TP53BP1: variants seen among roughly 807,000 people sequenced by gnomAD.
TP53BP1 encodes the protein tumor protein p53 binding protein 1.
In TP53BP1, 61 loss-of-function variants were observed where a neutral mutation model predicts 200.8. The ratio of observed to expected loss-of-function variants is 0.30; its 90% CI spans 0.25 to 0.38. The LOEUF is 0.38. Ranked by LOEUF, TP53BP1 falls within the 10% of genes least tolerant of loss-of-function variation. TP53BP1 has a pLI of 1.00. For missense variants in TP53BP1, 2,144 were observed against 2,371.9 expected, an observed-to-expected ratio of 0.90 and a Z score of 2.00; for synonymous variants, 822 against 844.3, an observed-to-expected ratio of 0.97 and a Z score of 0.46.
chr15:43,492,628 T>C (rs2079142834), intron 1 of TP53BP1, among the ~76,000 whole-genome samples, 160 bp from the exon 2 acceptor site: 1 of 152,120 alleles, frequency 6.6e-6, no homozygotes, highest in South Asian at 2.1e-4. Flanking sequence ...GCAAGCACTT[T>C]CCTATCATGC....
intron 24 of TP53BP1, among the ~76,000 whole-genome samples, chr15:43,412,425 T>G (rs772930345): frequency 1.3e-5 from 2 of 152,228 alleles, no homozygotes; most frequent in Non-Finnish European, 2.9e-5. Context: ...CAGTCACATT[T>G]ACAGTGTATA....
chr15:43,404,792 G>A lies in TP53BP1; in HGVS notation c.*2591C>T. 2 of 526,022 alleles carry A rather than the reference G, an allele frequency of 3.8e-6. No individual in the cohort carries two copies. The highest frequency in any genetic ancestry group is 6.7e-6 in the Non-Finnish European group (2 of 300,536). The allele number at this position is 526,022 out of a possible 1,614,324, so 32.6% of individuals were successfully genotyped here. A position where few individuals can be genotyped will look rare whatever the true frequency, so the allele number is the denominator to read the frequency against. On this transcript the variant is annotated 3_prime_UTR_variant, in exon 28 of 28. Coordinates refer to ENST00000382044, the MANE Select transcript of TP53BP1 (RefSeq NM_001141980.3). ...AGATAGGTGTTAAGTCCTTTGCTAG[G>A]TTATGTATTGCTATGCTGGGAGGCA...
At chr15:43,422,258 T>A in intron 18 of TP53BP1, 132 bp from the exon 19 acceptor site, 1 of 1,083,324 alleles carries the variant, frequency 9.2e-7, no homozygotes, top group Non-Finnish European at 1.3e-6. Flanking sequence ...CTTTCTGGAA[T>A]AATGGGAATG....
At chr15:43,413,036 C>T (rs995447609) in intron 24 of TP53BP1, 83 bp downstream of exon 24, 1 of 1,369,950 alleles carries the variant, frequency 7.3e-7, no homozygotes, top group African/African-American at 1.4e-5. Context: ...CTACATACAA[C>T]AGGGGGACCA....
chr15:43,419,327 T>C (rs2045338037), intron 21 of TP53BP1, among the ~76,000 whole-genome samples: 1 of 152,102 alleles, frequency 6.6e-6, no homozygotes, highest in African/African-American at 2.4e-5. Flanking sequence ...TCCCAGGTCC[T>C]TATATGATAA....
At position 43,456,203 on chromosome 15, in the gene TP53BP1, C is replaced by T. The variant is rs144992624; in HGVS notation, c.2405G>A (p.Cys802Tyr). 1.2e-6 allele frequency: 2 copies of T among 1,614,088 alleles called. No homozygotes were observed. The highest frequency in any genetic ancestry group is 1.1e-5 in the South Asian group (1 of 91,080). Reference sequence around the variant, plus strand: ...CTTGGTGTCTAATCTATTCTCAGCACATGGTTCTATTTCTGGAGCAATATC... The same window carrying T: ...CTTGGTGTCTAATCTATTCTCAGCATATGGTTCTATTTCTGGAGCAATATC... ...WEDIAPEIEP[C>Y]AENRLDTKEE... The change falls in exon 12 of 28, where the codon TGT (cysteine) becomes TAT (tyrosine). Residue 802 changes from cysteine to tyrosine, a missense_variant. By Grantham distance (194) the Cys-to-Tyr change is radical. This residue lies in a region of TP53BP1 where 1,700 missense variants were observed against 1,710.3 expected (regional missense o/e 0.99). Transcript: ENST00000382044.
chr15:43,452,025 C>T (rs2046181924), intron 12 of TP53BP1, among the ~76,000 whole-genome samples: 1 of 152,102 alleles, frequency 6.6e-6, no homozygotes, highest in Non-Finnish European at 1.5e-5. Flanking sequence ...ATTCCAGCTA[C>T]TCAGGAGGCT....
chr15:43,420,160 G>A lies in TP53BP1; in HGVS notation c.4681+145C>T, dbSNP rs965679608. 4 of 781,810 alleles carry A rather than the reference G, an allele frequency of 5.1e-6. No individual in the cohort carries two copies. The African/African-American group carries it at 6.9e-5, about 14-fold the overall frequency. The allele number at this position is 781,810 out of a possible 1,614,324, so 48.4% of individuals were successfully genotyped here. A position where few individuals can be genotyped will look rare whatever the true frequency, so the allele number is the denominator to read the frequency against. On this transcript the variant is annotated intron_variant, in intron 21 of 27. Transcript: ENST00000382044. Reference sequence around the variant, plus strand: ...GAACAAACAGAAAAGTCAGTGGCAAGAGTAACCAATTTTGTAGGAATGAAA... The same window carrying A: ...GAACAAACAGAAAAGTCAGTGGCAAAAGTAACCAATTTTGTAGGAATGAAA...
Position 43,490,289 on chromosome 15 carries a change from C to T in TP53BP1, c.371+1380G>A, listed in dbSNP as rs1027195302. 3.3e-5 allele frequency among the ~76,000 whole-genome samples: 5 copies of T among 152,084 alleles called. No homozygotes were observed. The South Asian group carries it at 6.3e-4, about 19-fold the overall frequency. On this transcript the variant is annotated intron_variant, in intron 4 of 27. Coordinates refer to ENST00000382044, the MANE Select transcript of TP53BP1 (RefSeq NM_001141980.3). ...ATTTTTAAGAGACCGGGTTTCACCA[C>T]GTTGTCCAGACTGGTATCAAACTCC... is the stretch of plus-strand genomic sequence containing the variant.
intron 10 of TP53BP1, among the ~76,000 whole-genome samples, chr15:43,472,872 C>T (rs902170709): frequency 4.6e-5 from 7 of 152,140 alleles, no homozygotes. Flanking sequence ...TTGGTGGGTT[C>T]TTGGTCTCAC....
intron 18 of TP53BP1, among the ~76,000 whole-genome samples, chr15:43,425,994 G>A (rs1323526902): frequency 1.3e-5 from 2 of 151,514 alleles, no homozygotes; most frequent in Non-Finnish European, 2.9e-5. Context: ...GAACCCAGGA[G>A]GCGGAGCTTG....
intron 11 of TP53BP1, among the ~76,000 whole-genome samples, chr15:43,469,316 A>G (rs2140090361): frequency 6.6e-6 from 1 of 152,354 alleles, no homozygotes; most frequent in East Asian, 1.9e-4. Context: ...TACTGAGATC[A>G]CATCTACTTA....
chr15:43,437,223 T>C (rs1276314506), intron 16 of TP53BP1, among the ~76,000 whole-genome samples: 1 of 151,958 alleles, frequency 6.6e-6, no homozygotes, highest in African/African-American at 2.4e-5. Context: ...AAATTTGGGA[T>C]GTTAAACATC....
At chr15:43,480,124 C>G in intron 5 of TP53BP1, 107 bp from the exon 6 acceptor site, 1 of 941,118 alleles carries the variant, frequency 1.1e-6, no homozygotes, top group East Asian at 2.7e-5. Context: ...CACATCAAAG[C>G]CCTGTGCACC....
chr15:43,451,024 G>A (rs939019914), intron 12 of TP53BP1, among the ~76,000 whole-genome samples: 1 of 152,136 alleles, frequency 6.6e-6, no homozygotes, highest in South Asian at 2.1e-4. Flanking sequence ...ACGCGTGCAC[G>A]CCACCATGCC....
Position 43,441,637 on chromosome 15 carries a change from G to C in TP53BP1, c.3041-54C>G. On this transcript the variant is annotated intron_variant, in intron 14 of 27. Coordinates refer to ENST00000382044, the MANE Select transcript of TP53BP1 (RefSeq NM_001141980.3). Reference sequence around the variant, plus strand: ...AGGAAAGAGAAACAGAATTTAGTTAGTATCACACCTAAACCTTCACTCTGC... The same window carrying C: ...AGGAAAGAGAAACAGAATTTAGTTACTATCACACCTAAACCTTCACTCTGC... The C allele has an allele frequency of 2.5e-6, 3 of 1,218,464 alleles. No individual in the cohort carries two copies. In the South Asian group the frequency reaches 3.6e-5, roughly 15 times the overall value. 75.5% of individuals were successfully genotyped at this position (1,218,464 alleles called of 1,614,324 possible). A position where few individuals can be genotyped will look rare whatever the true frequency, so the allele number is the denominator to read the frequency against.
chr15:43,428,169 CTG>C lies in TP53BP1; in HGVS notation c.3676-3_3676-2del, dbSNP rs777765925. ...GAGGCATATCAAACTCTTCTTCTCC[CTG>C]TGACAGAAAATACAGAACATAAGCA... On this transcript the variant is annotated splice_acceptor_variant and splice_polypyrimidine_tract_variant and intron_variant, in intron 17 of 27. Transcript: ENST00000382044. LOFTEE classifies it high-confidence loss of function. The C allele has an allele frequency of 6.8e-6, 11 of 1,612,870 alleles. No individual in the cohort carries two copies. The highest frequency in any genetic ancestry group is 8.5e-6 in the Non-Finnish European group (10 of 1,179,460).
intron 9 of TP53BP1, among the ~76,000 whole-genome samples, chr15:43,475,355 C>T (rs1216162449): frequency 6.6e-6 from 1 of 152,136 alleles, no homozygotes; most frequent in African/African-American, 2.4e-5. Context: ...CTTAGTGAAA[C>T]GTTTGGGCTA....
intron 18 of TP53BP1, among the ~76,000 whole-genome samples, chr15:43,424,765 T>C (rs1345824366): frequency 6.6e-6 from 1 of 152,230 alleles, no homozygotes; most frequent in Non-Finnish European, 1.5e-5. Context: ...TGAATTTTCA[T>C]GTTAGTGGGG....
Sources: allele counts gnomAD v4.1 joint callset (sites outside exome capture counted in the v4.1 genomes callset), GRCh38; gene constraint gnomAD v4.1.1; regional missense constraint gnomAD v4.1.1; transcripts MANE v1.5; gene names NCBI Gene and HGNC (gene_info 2026-07-23, HGNC 2026-07-21).